Variants in LTBP1 observed in about 807,000 individuals in gnomAD.
LTBP1 encodes the protein latent-transforming growth factor beta-binding protein 1.
In LTBP1, 129 loss-of-function variants were observed where a neutral mutation model predicts 207.6. The ratio of observed to expected loss-of-function variants is 0.62; its 90% CI spans 0.54 to 0.72. The LOEUF (loss-of-function observed/expected upper bound fraction) is 0.72, where lower values mean the gene tolerates loss of function less well. LTBP1 is among the 30% of genes least tolerant of loss of function. The pLI is 0.00. For synonymous variants in LTBP1, 963 were observed against 833.7 expected, an observed-to-expected ratio of 1.16 and a Z score of -2.67; for missense variants, 2,281 against 2,217.2, an observed-to-expected ratio of 1.03 and a Z score of -0.58.
intron 3 of LTBP1, among the ~76,000 whole-genome samples, chr2:33,099,523 A>C (rs2079588767): frequency 6.6e-6 from 1 of 152,142 alleles, no homozygotes; most frequent in Non-Finnish European, 1.5e-5. Flanking sequence ...TGCTAGTTGA[A>C]CTCTGAAAGC....
intron 31 of LTBP1, among the ~76,000 whole-genome samples, chr2:33,372,464 A>G (rs371068815): frequency 7.9e-5 from 12 of 152,392 alleles, no homozygotes; most frequent in East Asian, 1.9e-4. Flanking sequence ...TATATATTCA[A>G]TGGACTAATG....
chr2:33,125,405 C>T (rs923312350), intron 4 of LTBP1, among the ~76,000 whole-genome samples: 5 of 152,086 alleles, frequency 3.3e-5, no homozygotes, highest in African/African-American at 7.2e-5. Flanking sequence ...TTCATGTATA[C>T]GGTGCTTTTG....
At position 33,364,027 on chromosome 2, in the gene LTBP1, G is replaced by A. The variant is rs141590729; in HGVS notation, c.4400-189G>A. ...TGTCAGCAGCAGCAGCAGCAATGTT[G>A]TTTTTCAGTCAGAGCAGCTTACATT... is the stretch of plus-strand genomic sequence containing the variant. On this transcript the variant is annotated intron_variant, in intron 29 of 33. Coordinates refer to ENST00000404816, the MANE Select transcript of LTBP1 (RefSeq NM_206943.4). 2.1e-3 allele frequency among the ~76,000 whole-genome samples: 319 copies of A among 152,304 alleles called. 1 individual carries two copies. The highest frequency in any genetic ancestry group is 0.01 in the Middle Eastern group (3 of 294).
Position 33,176,885 on chromosome 2 carries a change from A to G in LTBP1, c.1202-9971A>G, listed in dbSNP as rs561108330. Among the ~76,000 whole-genome samples the G allele has an allele frequency of 3.7e-4, 56 of 152,274 alleles. 1 individual carries two copies. The South Asian group carries it at 9.8e-3, about 27-fold the overall frequency. On this transcript the variant is annotated intron_variant, in intron 5 of 33. Transcript: ENST00000404816. ...TATGTTCTTCTCATTGCGCCCTGCC[A>G]TCATAATTACGAAGTTGATGAGGAT...
At chr2:33,050,173 A>G (rs1368226972) in intron 3 of LTBP1, among the ~76,000 whole-genome samples, 1 of 132,538 alleles carries the variant, frequency 7.5e-6, no homozygotes, top group African/African-American at 2.9e-5. Flanking sequence ...TTTTTTCCCT[A>G]GAACGGTGTA....
chr2:33,154,388 T>A (rs912838644), intron 5 of LTBP1, among the ~76,000 whole-genome samples: 3 of 152,252 alleles, frequency 2.0e-5, no homozygotes, highest in African/African-American at 7.2e-5. Context: ...TAATACTCTT[T>A]CCCATTTCTG....
intron 5 of LTBP1, among the ~76,000 whole-genome samples, chr2:33,174,241 G>A (rs371718668): frequency 6.8e-6 from 1 of 147,000 alleles, no homozygotes; most frequent in Non-Finnish European, 1.5e-5. Context: ...TGACATGATT[G>A]TATATCTAGA....
rs1054674853 is a variant in LTBP1 at position 33,275,706 on chromosome 2, A to G, written c.2870-95A>G. On this transcript the variant is annotated intron_variant, in intron 17 of 33. Coordinates refer to ENST00000404816, the MANE Select transcript of LTBP1 (RefSeq NM_206943.4). ...TCTCAAAAAAAAAAAGAAATCAGTT[A>G]CTTCGTTATTATATTTGAGCTAAGC... is the stretch of plus-strand genomic sequence containing the variant. The G allele has an allele frequency of 1.2e-5, 18 of 1,453,648 alleles. No individual in the cohort carries two copies. The South Asian group carries it at 1.8e-4, about 14-fold the overall frequency. 90.0% of individuals were successfully genotyped at this position (1,453,648 alleles called of 1,614,324 possible). A position where few individuals can be genotyped will look rare whatever the true frequency, so the allele number is the denominator to read the frequency against.
At chr2:33,217,274 T>C (rs1301998660) in intron 7 of LTBP1, among the ~76,000 whole-genome samples, 1 of 152,332 alleles carries the variant, frequency 6.6e-6, no homozygotes, top group Non-Finnish European at 1.5e-5. Flanking sequence ...AAAAAGGCAT[T>C]GGAAATTTAA....
chr2:33,307,819 C>T (rs1219422740), intron 22 of LTBP1, among the ~76,000 whole-genome samples: 5 of 152,130 alleles, frequency 3.3e-5, no homozygotes, highest in Non-Finnish European at 7.3e-5. Context: ...ATTATAATAA[C>T]GTGGTTTTAT....
intron 2 of LTBP1, among the ~76,000 whole-genome samples, chr2:32,997,850 C>G (rs1296618421): frequency 1.3e-5 from 2 of 152,180 alleles, no homozygotes; most frequent in Non-Finnish European, 2.9e-5. Context: ...ACCCAGAGAC[C>G]ATATTCCAGG....
At chr2:32,959,686 TCTCAGCTCACGGCAGCCTCCGCC>T (rs1049439658) in intron 2 of LTBP1, among the ~76,000 whole-genome samples, 6 of 144,520 alleles carry the variant, frequency 4.2e-5, no homozygotes, top group Non-Finnish European at 9.0e-5. Flanking sequence ...AGTGGCGTGA[TCTCAGCTCACGGCAGCCTCCGCC>T]TCTTGGGTTC....
Position 33,324,961 on chromosome 2 carries a change from T to G in LTBP1, c.3730+9692T>G, listed in dbSNP as rs898547416. Among the ~76,000 whole-genome samples, 5 of 152,318 alleles carry G rather than the reference T, an allele frequency of 3.3e-5. No homozygotes were observed. In the East Asian group the frequency reaches 7.7e-4, roughly 24 times the overall value. On this transcript the variant is annotated intron_variant, in intron 24 of 33. Transcript: ENST00000404816. ...ACCTTGTAATCCACCCACCTCGGCCTCCCAAAGTGCTGAGATTACAGGCGT... is the reference window on the plus strand; with the variant it reads ...ACCTTGTAATCCACCCACCTCGGCCGCCCAAAGTGCTGAGATTACAGGCGT...
chr2:33,228,073 G>A (rs1008069224), intron 9 of LTBP1, among the ~76,000 whole-genome samples: 1 of 151,998 alleles, frequency 6.6e-6, no homozygotes, highest in African/African-American at 2.4e-5. Flanking sequence ...CCAAAGTGCT[G>A]GGATTACAGG....
At position 33,206,742 on chromosome 2, in the gene LTBP1, A is replaced by C. The variant is rs1305182222; in HGVS notation, c.1702-10810A>C. 2.9e-4 allele frequency among the ~76,000 whole-genome samples: 44 copies of C among 151,734 alleles called. No homozygotes were observed. In the East Asian group the frequency reaches 7.3e-3, roughly 25 times the overall value. On this transcript the variant is annotated intron_variant, in intron 7 of 33. Transcript: ENST00000404816. ...CGACAGAGCAAGACTCCATTTCAAA[A>C]AAAAAAAAAAAAGAAAAATTGGAGA...
At chr2:33,236,147 A>T (rs2092038010) in intron 9 of LTBP1, among the ~76,000 whole-genome samples, 1 of 152,260 alleles carries the variant, frequency 6.6e-6, no homozygotes, top group Non-Finnish European at 1.5e-5. Context: ...ACTGCGGTCA[A>T]CCAGACTTGA....
intron 2 of LTBP1, among the ~76,000 whole-genome samples, chr2:32,987,676 G>C (rs1313814959): frequency 6.6e-6 from 1 of 152,162 alleles, no homozygotes; most frequent in East Asian, 1.9e-4. Flanking sequence ...TAAAGTAGGT[G>C]CTTAGGAAAT....
intron 24 of LTBP1, among the ~76,000 whole-genome samples, chr2:33,322,136 T>G (rs1326733554): frequency 1.1e-4 from 1 of 9,114 alleles, no homozygotes; most frequent in Non-Finnish European, 2.2e-4. Context: ...TCCTAAGCCT[T>G]TTTTTTTTTT....
At chr2:33,319,523 G>A (rs1436369873) in intron 24 of LTBP1, among the ~76,000 whole-genome samples, 1 of 152,064 alleles carries the variant, frequency 6.6e-6, no homozygotes, top group African/African-American at 2.4e-5. Context: ...ATTCCTAGGG[G>A]TCACCACGTC....
Sources: gnomAD v4.1 joint callset for allele counts (sites outside exome capture counted in the v4.1 genomes callset) on GRCh38, gnomAD v4.1.1 for gene constraint, MANE v1.5 for transcripts, NCBI Gene and HGNC (gene_info 2026-07-23, HGNC 2026-07-21) for gene names.